COL11A1: variants seen among roughly 807,000 people sequenced by gnomAD.
COL11A1 encodes collagen alpha-1(XI) chain.
In COL11A1, 74 loss-of-function variants were observed where a neutral mutation model predicts 265.2. That is an observed-to-expected ratio of 0.28 (90% CI 0.23 to 0.34). The LOEUF (loss-of-function observed/expected upper bound fraction) is 0.34. Ranked by LOEUF, COL11A1 falls within the 10% of genes least tolerant of loss-of-function variation. The pLI is 1.00. For missense variants in COL11A1, 2,165 were observed against 2,263.6 expected, an observed-to-expected ratio of 0.96 and a Z score of 0.88; for synonymous variants, 816 against 727.6, an observed-to-expected ratio of 1.12 and a Z score of -1.96.
rs753388916 is a variant in COL11A1 at position 102,940,448 on chromosome 1, C to T, written c.3277-14G>A. 2 of 1,583,512 alleles carry T rather than the reference C, an allele frequency of 1.3e-6. No individual in the cohort carries two copies. Among genetic ancestry groups the T allele is most frequent in the Non-Finnish European group, 1.7e-6 (2 of 1,152,892 alleles). On this transcript the variant is annotated splice_polypyrimidine_tract_variant and intron_variant, in intron 42 of 66. Transcript: ENST00000370096. Reference sequence around the variant, plus strand: ...ACCTTTTTCTCCCTGTATTGAATATCCAAAGATCATTAATTTTACAGTTTT... The same window carrying T: ...ACCTTTTTCTCCCTGTATTGAATATTCAAAGATCATTAATTTTACAGTTTT...
At chr1:103,100,352 A>T (rs1480242522) in intron 1 of COL11A1, 2 of 151,966 alleles carry the variant, frequency 1.3e-5, no homozygotes, top group East Asian at 3.9e-4. Flanking sequence ...CACAACTGGA[A>T]CTTTGAATAC....
At chr1:102,892,434 A>G (rs1170740147) in intron 57 of COL11A1, among the ~76,000 whole-genome samples, 1 of 152,148 alleles carries the variant, frequency 6.6e-6, no homozygotes, top group Non-Finnish European at 1.5e-5. Context: ...ATCTGATCCA[A>G]GCAGTATGAT....
In COL11A1 at chr1:102,913,658, T is replaced by G. The variant is rs1438201626; in HGVS notation, c.4011A>C (p.Glu1337Asp). 1 of 1,613,282 alleles carries G rather than the reference T, an allele frequency of 6.2e-7. No homozygotes were observed. Among genetic ancestry groups the G allele is most frequent in the Non-Finnish European group, 8.5e-7 (1 of 1,179,586 alleles). ...GQDGVGGDKG[E>D]DGDPGQPGPP... ...TCACCGGTTGACCAGGATCTCCATC[T>G]TCACCCTTGTCACCACCAACACCAT... The change falls in exon 53 of 67, where the codon GAA becomes GAC. Residue 1337 changes from glutamate (E) to aspartate (D), a missense_variant. Transcript: ENST00000370096.
At chr1:102,930,712 C>T (rs1419603103) in intron 46 of COL11A1, among the ~76,000 whole-genome samples, 1 of 152,100 alleles carries the variant, frequency 6.6e-6, no homozygotes, top group East Asian at 1.9e-4. Flanking sequence ...GCTGTGAATC[C>T]ATCTGGTCCT....
At chr1:103,013,445 C>T (rs544043080) in intron 13 of COL11A1, among the ~76,000 whole-genome samples, 7 of 151,788 alleles carry the variant, frequency 4.6e-5, no homozygotes, top group Middle Eastern at 3.4e-3. Flanking sequence ...ACCTTAAAAT[C>T]GTTCAAAAGA....
intron 57 of COL11A1, among the ~76,000 whole-genome samples, chr1:102,892,713 A>G (rs550512798): frequency 6.6e-6 from 1 of 152,306 alleles, no homozygotes; most frequent in African/African-American, 2.4e-5. Flanking sequence ...TTGTGTAACA[A>G]TGGTATTTTA....
At chr1:103,015,795 C>T in intron 11 of COL11A1, 53 bp from the exon 12 acceptor site, 2 of 1,218,548 alleles carry the variant, frequency 1.6e-6, no homozygotes, top group Admixed American at 2.0e-5. Flanking sequence ...ATAATATTTA[C>T]TAGAACTAGA....
chr1:103,012,493 T>C, intron 13 of COL11A1, 24 bp from the exon 14 acceptor site: 1 of 1,577,222 alleles, frequency 6.3e-7, no homozygotes. Flanking sequence ...TATATCAAAT[T>C]CAGTAATATT....
intron 1 of COL11A1, among the ~76,000 whole-genome samples, chr1:103,094,919 A>G (rs542609700): frequency 3.3e-5 from 5 of 152,212 alleles, no homozygotes; most frequent in Non-Finnish European, 7.4e-5. Flanking sequence ...TCAACTCTAC[A>G]TAAAATACAT....
rs777456846 is a variant in COL11A1 at position 102,934,553 on chromosome 1, C to A, written c.3496G>T (p.Gly1166Cys). Residue 1166 changes from glycine (G) to cysteine (C), a missense_variant, in exon 46 of 67, where the codon GGT becomes TGT. Physicochemically the swap from Gly to Cys is radical, Grantham distance 159. Coordinates refer to ENST00000370096, the MANE Select transcript of COL11A1 (RefSeq NM_001854.4). ...CCTCTAGGACCTGGTTCACCATCACCTCCCTAGAGAAGAGAAAGAAACATT... is the reference window on the plus strand; with the variant it reads ...CCTCTAGGACCTGGTTCACCATCACATCCCTAGAGAAGAGAAAGAAACATT... ...GPVGAPGIAG[G>C]DGEPGPRGQQ... is the part of the protein sequence containing the mutation. 4.3e-6 allele frequency: 7 copies of A among 1,611,678 alleles called. No individual in the cohort carries two copies. The highest frequency in any genetic ancestry group is 1.7e-5 in the Admixed American group (1 of 60,012).
At chr1:103,053,699 C>T (rs1349134818) in intron 4 of COL11A1, among the ~76,000 whole-genome samples, 3 of 152,032 alleles carry the variant, frequency 2.0e-5, no homozygotes, top group Non-Finnish European at 2.9e-5. Flanking sequence ...TACAAGTGGT[C>T]AGTAGTGGAA....
intron 15 of COL11A1, 130 bp downstream of exon 15, chr1:103,008,333 T>C: frequency 1.4e-6 from 1 of 709,438 alleles, no homozygotes; most frequent in Non-Finnish European, 2.4e-6. Flanking sequence ...AATTTCAAAA[T>C]AAACCCTCAT....
At chr1:103,051,258 A>G (rs1194491435) in intron 4 of COL11A1, among the ~76,000 whole-genome samples, 1 of 152,134 alleles carries the variant, frequency 6.6e-6, no homozygotes, top group Non-Finnish European at 1.5e-5. Context: ...ACCCAGTTTG[A>G]GCTTCCTGGC....
At chr1:102,903,437 A>G (rs917507399) in intron 54 of COL11A1, among the ~76,000 whole-genome samples, 1 of 150,776 alleles carries the variant, frequency 6.6e-6, no homozygotes, top group African/African-American at 2.4e-5. Flanking sequence ...TTCCGCCATA[A>G]GATATTATAA....
chr1:103,077,182 T>A (rs1337189), intron 3 of COL11A1, among the ~76,000 whole-genome samples: 20,928 of 152,120 alleles, frequency 0.14, 1,600 homozygotes, highest in Non-Finnish European at 0.16. Context: ...TTCTGTTTGA[T>A]AATCAATTAA....
At position 103,002,464 on chromosome 1, in the gene COL11A1, A is replaced by G. The variant is rs1395599691; in HGVS notation, c.2061T>C (p.Pro687=). 6.2e-7 allele frequency: 1 copy of G among 1,609,972 alleles called. No homozygotes were observed. Among genetic ancestry groups the G allele is most frequent in the Non-Finnish European group, 8.5e-7 (1 of 1,178,286 alleles). ...GATTCCCTTGTTGACCTGGAGGCCC[A>G]GGCTCCCCTTGGGGACCCTGCCAGA... is the stretch of plus-strand genomic sequence containing the variant. The part of the protein sequence containing the change: ...PKGNMGPQGE[P]GPPGQQGNPG... The change falls in exon 23 of 67, where the codon CCT becomes CCC. Residue 687 remains proline (P), a synonymous_variant. Coordinates refer to ENST00000370096, the MANE Select transcript of COL11A1 (RefSeq NM_001854.4).
At chr1:103,098,688 AT>A (rs1673988576) in intron 1 of COL11A1, among the ~76,000 whole-genome samples, 1 of 151,878 alleles carries the variant, frequency 6.6e-6, no homozygotes, top group African/African-American at 2.4e-5. Context: ...CATCAAAAAT[AT>A]TTTGAGATAA....
chr1:103,045,423 C>T (rs561281210), intron 4 of COL11A1, among the ~76,000 whole-genome samples: 1 of 152,042 alleles, frequency 6.6e-6, no homozygotes, highest in African/African-American at 2.4e-5. Flanking sequence ...TGCAATTATC[C>T]AAGGAACAAG....
At chr1:103,046,380 T>A (rs897042814) in intron 4 of COL11A1, among the ~76,000 whole-genome samples, 31 of 150,908 alleles carry the variant, frequency 2.1e-4, no homozygotes. Context: ...TTTTCATGTG[T>A]TTTTTGGCTG....
Sources: allele counts gnomAD v4.1 joint callset (sites outside exome capture counted in the v4.1 genomes callset), GRCh38; gene constraint gnomAD v4.1.1; transcripts MANE v1.5; gene names NCBI Gene and HGNC (gene_info 2026-07-23, HGNC 2026-07-21).